Variants in TRIM9 observed in about 807,000 individuals in gnomAD.
TRIM9 encodes E3 ubiquitin-protein ligase TRIM9.
In TRIM9, 26 loss-of-function variants were observed where a neutral mutation model predicts 78.3. The ratio of observed to expected loss-of-function variants is 0.33; its 90% CI spans 0.24 to 0.46. The LOEUF (loss-of-function observed/expected upper bound fraction) is 0.46, where lower values mean the gene tolerates loss of function less well. Among genes scored for constraint, TRIM9 ranks in the 20% least tolerant of loss-of-function variants. The probability of loss-of-function intolerance (pLI) is 1.00; values close to 1 mark genes in which losing one functional copy is unlikely to be tolerated. For missense variants in TRIM9, 787 were observed against 1,036.4 expected, an observed-to-expected ratio of 0.76 and a Z score of 3.30; for synonymous variants, 398 against 416.5, an observed-to-expected ratio of 0.96 and a Z score of 0.54.
At chr14:51,068,939 A>T (rs1185587944) in intron 1 of TRIM9, among the ~76,000 whole-genome samples, 15 of 152,212 alleles carry the variant, frequency 9.9e-5, no homozygotes, top group Admixed American at 9.8e-4. Flanking sequence ...TGACAACATG[A>T]TTTTTAAAAA....
intron 1 of TRIM9, among the ~76,000 whole-genome samples, chr14:51,075,714 C>T (rs1036882732): frequency 3.3e-5 from 5 of 152,142 alleles, no homozygotes; most frequent in South Asian, 2.1e-4. Flanking sequence ...AAAATGGCAG[C>T]GGGGATGCCT....
At chr14:51,010,963 C>T (rs2056495506) in intron 3 of TRIM9, among the ~76,000 whole-genome samples, 1 of 152,170 alleles carries the variant, frequency 6.6e-6, no homozygotes, top group African/African-American at 2.4e-5. Context: ...AACCCAGTTC[C>T]TTTCCCTTCC....
chr14:51,012,442 T>C (rs2056691335), intron 3 of TRIM9, among the ~76,000 whole-genome samples: 1 of 152,248 alleles, frequency 6.6e-6, no homozygotes, highest in South Asian at 2.1e-4. Flanking sequence ...CTCTGATGTA[T>C]GTATATCGCA....
intron 1 of TRIM9, among the ~76,000 whole-genome samples, chr14:51,083,393 T>G (rs1391393209): frequency 1.3e-5 from 2 of 151,944 alleles, no homozygotes; most frequent in African/African-American, 4.8e-5. Flanking sequence ...TAGCTCGGAC[T>G]ACAGGCATGC....
chr14:50,986,729 A>AG (rs2052764416), intron 7 of TRIM9, among the ~76,000 whole-genome samples: 1 of 152,228 alleles, frequency 6.6e-6, no homozygotes, highest in Non-Finnish European at 1.5e-5. Flanking sequence ...TAAGGAAGAC[A>AG]GGGCTGGACA....
intron 1 of TRIM9, among the ~76,000 whole-genome samples, chr14:51,045,010 G>A (rs1435804284): frequency 6.6e-6 from 1 of 152,192 alleles, no homozygotes; most frequent in African/African-American, 2.4e-5. Flanking sequence ...ATTTGTCTAA[G>A]AGGGCGGTTG....
Position 51,094,826 on chromosome 14 carries a change from C to A in TRIM9, c.114G>T (p.Leu38=). 1 of 1,535,054 alleles carries A rather than the reference C, an allele frequency of 6.5e-7. No homozygotes were observed. The highest frequency in any genetic ancestry group is 8.7e-7 in the Non-Finnish European group (1 of 1,146,130). ...GGGATTCAGACTCTGGGGTCTGCAC[C>A]AGGATGTTGCGGGCGCACGCCTGAC... ...NLCQACARNI[L]VQTPESESPQ... Residue 38 remains leucine, a synonymous_variant, in exon 1 of 13, where the codon CTG becomes CTT. Transcript: ENST00000684578.
chr14:50,988,577 T>C (rs914703040), intron 7 of TRIM9, among the ~76,000 whole-genome samples: 10 of 67,904 alleles, frequency 1.5e-4, no homozygotes, highest in Non-Finnish European at 3.1e-4. Flanking sequence ...ACCATTTCTT[T>C]TTTTTTTTTT....
intron 1 of TRIM9, among the ~76,000 whole-genome samples, chr14:51,085,240 G>A (rs1322831676): frequency 2.6e-5 from 4 of 152,228 alleles, no homozygotes; most frequent in Non-Finnish European, 5.9e-5. Flanking sequence ...TAGAAAGTCA[G>A]TGTCACATGA....
At chr14:51,047,564 G>A (rs1437280833) in intron 1 of TRIM9, among the ~76,000 whole-genome samples, 1 of 152,208 alleles carries the variant, frequency 6.6e-6, no homozygotes, top group African/African-American at 2.4e-5. Context: ...TACCTCTGAT[G>A]TAAATGTTCA....
chr14:51,077,185 C>G (rs4337215), intron 1 of TRIM9, among the ~76,000 whole-genome samples: 8,327 of 152,176 alleles, frequency 0.055, 337 homozygotes, highest in East Asian at 0.2. Flanking sequence ...TGCAGTTGGC[C>G]AACAAGCACT....
intron 1 of TRIM9, among the ~76,000 whole-genome samples, chr14:51,047,966 A>C (rs889640653): frequency 1.1e-3 from 170 of 152,286 alleles, no homozygotes; most frequent in African/African-American, 3.9e-3. Flanking sequence ...TCTCAAAAAA[A>C]AAAAAAAATC....
chr14:51,090,821 TC>T (rs2064235499), intron 1 of TRIM9: 1 of 152,184 alleles, frequency 6.6e-6, no homozygotes, highest in Admixed American at 6.5e-5. Context: ...TGGTCTTAAA[TC>T]CTGGCCGCAA....
intron 6 of TRIM9, among the ~76,000 whole-genome samples, chr14:51,000,244 A>G (rs1210944225): frequency 1.3e-5 from 2 of 152,256 alleles, no homozygotes; most frequent in African/African-American, 2.4e-5. Flanking sequence ...ATAATAACTA[A>G]TAATGAACGC....
At chr14:51,031,163 AAAG>A (rs1218600507) in intron 1 of TRIM9, among the ~76,000 whole-genome samples, 4 of 149,418 alleles carry the variant, frequency 2.7e-5, no homozygotes, top group African/African-American at 9.8e-5. Context: ...AAAAAAAAAA[AAAG>A]AAAGAAAAGA....
chr14:50,987,655 T>C (rs1196188782), intron 7 of TRIM9, among the ~76,000 whole-genome samples: 2 of 152,190 alleles, frequency 1.3e-5, no homozygotes, highest in African/African-American at 4.8e-5. Flanking sequence ...ATAATCATCT[T>C]AAGGGGAAAT....
At chr14:51,050,184 C>T (rs2060282025) in intron 1 of TRIM9, among the ~76,000 whole-genome samples, 1 of 152,138 alleles carries the variant, frequency 6.6e-6, no homozygotes. Context: ...TGTATTTATC[C>T]CTTTCCAAAT....
At chr14:50,990,099 C>T (rs2053298955) in intron 7 of TRIM9, among the ~76,000 whole-genome samples, 1 of 152,160 alleles carries the variant, frequency 6.6e-6, no homozygotes, top group Non-Finnish European at 1.5e-5. Flanking sequence ...CTCACTGCAG[C>T]CTTGAACTCC....
intron 1 of TRIM9, among the ~76,000 whole-genome samples, chr14:51,061,415 G>GAAA (rs369630215): frequency 0.2 from 26,531 of 133,558 alleles, 2,727 homozygotes; most frequent in Non-Finnish European, 0.24. Flanking sequence ...TCTGTCTCAA[G>GAAA]AAAAAAAAAA....
Sources: allele counts gnomAD v4.1 joint callset (sites outside exome capture counted in the v4.1 genomes callset), GRCh38; gene constraint gnomAD v4.1.1; transcripts MANE v1.5; gene names NCBI Gene and HGNC (gene_info 2026-07-23, HGNC 2026-07-21).